The following DSC3 variants were observed in gnomAD, a reference collection of about 807,000 sequenced individuals.
The protein encoded by DSC3 is desmocollin 3, also known as desmocollin-3.
Under a neutral mutation model 89.5 loss-of-function variants are expected in DSC3, and 97 were observed. The observed-to-expected ratio is 1.08, with a 90% CI of 0.92 to 1.28. DSC3 has a LOEUF of 1.28. Among genes scored for constraint, DSC3 ranks in the 50% most tolerant of loss-of-function variants. DSC3 has a pLI of 0.00. For synonymous variants in DSC3, 436 were observed against 384.1 expected (o/e 1.14, Z -1.58); for missense variants, 1,199 against 1,085.3 (o/e 1.10, Z -1.47).
Position 31,030,972 on chromosome 18 carries a change from CCTT to C in DSC3, c.352_354del (p.Lys118del). 15 of 1,612,512 alleles carry C rather than the reference CCTT, an allele frequency of 9.3e-6. No homozygotes were observed. Among genetic ancestry groups the C allele is most frequent in the Non-Finnish European group, 1.3e-5 (15 of 1,178,758 alleles). ...GAAAATATTTAATGTACTTTAAATA[CCTT>C]CTTCTGATGTTCTAGCAGCACAGTA... On this transcript the variant is annotated inframe_deletion and splice_region_variant, in exon 3 of 16. Coordinates refer to ENST00000360428, the MANE Select transcript of DSC3 (RefSeq NM_001941.5).
At chr18:31,008,568 C>T in intron 9 of DSC3, 43 bp from the exon 10 acceptor site, 2 of 1,609,898 alleles carry the variant, frequency 1.2e-6, no homozygotes, top group Non-Finnish European at 1.7e-6. Context: ...GTGTAAAATA[C>T]ATCTGGCATT....
At chr18:31,015,925 C>T (rs889296014) in intron 9 of DSC3, among the ~76,000 whole-genome samples, 1 of 152,114 alleles carries the variant, frequency 6.6e-6, no homozygotes. Flanking sequence ...AGTATGCAGT[C>T]AAGAAACCAG....
chr18:30,996,867 C>T lies in DSC3; in HGVS notation c.2417G>A (p.Gly806Glu). 2.5e-6 allele frequency: 4 copies of T among 1,613,930 alleles called. No homozygotes were observed. The highest frequency in any genetic ancestry group is 3.4e-6 in the Non-Finnish European group (4 of 1,180,022). The change falls in exon 15 of 16, where the codon GGA (glycine) becomes GAA (glutamate). Residue 806 changes from glycine (G) to glutamate (E), a missense_variant. Physicochemically the swap from Gly to Glu is moderately conservative, Grantham distance 98 (BLOSUM62 -2). Coordinates refer to ENST00000360428, the MANE Select transcript of DSC3 (RefSeq NM_001941.5). ...GHHHTLDSCR[G>E]GHTEVDNCRY... is the part of the protein sequence containing the mutation. Reference sequence around the variant, plus strand: ...GCAGTTGTCCACCTCCGTGTGTCCTCCCCTGCAGGAGTCCAGGGTATGATG... The same window carrying T: ...GCAGTTGTCCACCTCCGTGTGTCCTTCCCTGCAGGAGTCCAGGGTATGATG...
intron 1 of DSC3, among the ~76,000 whole-genome samples, chr18:31,036,556 G>C (rs1447668531): frequency 6.6e-6 from 1 of 151,216 alleles, no homozygotes; most frequent in African/African-American, 2.4e-5. Context: ...GTTCCCCATT[G>C]CTCAATCTTT....
At chr18:31,024,830 G>A (rs1379724351) in intron 5 of DSC3, among the ~76,000 whole-genome samples, 4 of 152,068 alleles carry the variant, frequency 2.6e-5, no homozygotes, top group Non-Finnish European at 5.9e-5. Flanking sequence ...TAAACTCACT[G>A]CAATAGGAAA....
chr18:31,022,057 A>C (rs1163807801), intron 7 of DSC3, among the ~76,000 whole-genome samples: 1 of 152,090 alleles, frequency 6.6e-6, no homozygotes, highest in East Asian at 1.9e-4. Context: ...GCTGAACTGG[A>C]ACCAACTAGC....
At chr18:30,997,097 A>C (rs757129302) in intron 14 of DSC3, 49 bp from the exon 15 acceptor site, 2 of 1,607,176 alleles carry the variant, frequency 1.2e-6, no homozygotes, top group East Asian at 4.5e-5. Flanking sequence ...ATGGATTCTA[A>C]GTTGTCATGA....
At chr18:31,031,980 A>T (rs1985804820) in intron 2 of DSC3, among the ~76,000 whole-genome samples, 1 of 152,172 alleles carries the variant, frequency 6.6e-6, no homozygotes, top group Admixed American at 6.5e-5. Context: ...ATATTTAGCA[A>T]AAATAAATAA....
rs374752511 is a variant in DSC3 at position 31,018,061 on chromosome 18, A to G, written c.1263+10T>C. 353 of 1,607,868 alleles carry G rather than the reference A, an allele frequency of 2.2e-4. No individual in the cohort carries two copies. Among genetic ancestry groups the G allele is most frequent in the Admixed American group, 1.5e-3 (89 of 59,764 alleles). Reference sequence around the variant, plus strand: ...TAATTTGCTAAGTTGTCAATTATACATTACTGTACCTTTACAACAGAAAGA... The same window carrying G: ...TAATTTGCTAAGTTGTCAATTATACGTTACTGTACCTTTACAACAGAAAGA... On this transcript the variant is annotated intron_variant, in intron 9 of 15. Transcript: ENST00000360428.
In DSC3 at chr18:31,022,382, G is replaced by A. The variant is rs964947988; in HGVS notation, c.896C>T (p.Pro299Leu). Residue 299 changes from proline (P) to leucine (L), a missense_variant, in exon 7 of 16, where the codon CCC (proline) becomes CTC (leucine). Coordinates refer to ENST00000360428, the MANE Select transcript of DSC3 (RefSeq NM_001941.5). ...GACTGTGGTGATTACGCCTGTGCTG[G>A]GATGCACAGAAAAGAGCCCAGGTGA... ...PRSPGLFSVH[P>L]STGVITTVSH... 1 of 1,613,952 alleles carries A rather than the reference G, an allele frequency of 6.2e-7. No homozygotes were observed. The highest frequency in any genetic ancestry group is 8.5e-7 in the Non-Finnish European group (1 of 1,179,934).
chr18:31,031,270 G>A (rs1985783812), intron 2 of DSC3, 98 bp from the exon 3 acceptor site: 1 of 830,516 alleles, frequency 1.2e-6, no homozygotes, highest in Non-Finnish European at 1.9e-6. Flanking sequence ...CATGAAGTGG[G>A]ATGAAATAAG....
Position 31,029,511 on chromosome 18 carries a change from G to T in DSC3, c.472C>A (p.Gln158Lys). ...GACCAGAAAAGGTGTAAACCTACTT[G>T]TTGAAGAAACAATGGGAAAGGGCCC... ...SLGPFPLFLQ[Q>K]VESDAAQNYT... Residue 158 changes from glutamine (Q) to lysine (K), a missense_variant and splice_region_variant, in exon 4 of 16, where the codon CAA becomes AAA. By Grantham distance (53) the Gln-to-Lys change is moderately conservative. Coordinates refer to ENST00000360428, the MANE Select transcript of DSC3 (RefSeq NM_001941.5). 1.2e-6 allele frequency: 2 copies of T among 1,613,748 alleles called. No homozygotes were observed. The highest frequency in any genetic ancestry group is 1.7e-6 in the Non-Finnish European group (2 of 1,179,674).
chr18:31,009,291 G>C (rs116544862), intron 9 of DSC3, among the ~76,000 whole-genome samples: 1,873 of 152,154 alleles, frequency 0.012, 38 homozygotes, highest in African/African-American at 0.043. Context: ...GAACTCAGGT[G>C]ATCCACCTCC....
chr18:31,003,514 C>T (rs1028028529), intron 13 of DSC3, among the ~76,000 whole-genome samples: 1 of 152,156 alleles, frequency 6.6e-6, no homozygotes, highest in African/African-American at 2.4e-5. Context: ...ATATGGTAGG[C>T]TACTACAGTT....
At chr18:31,035,245 G>A (rs1837025057) in intron 1 of DSC3, among the ~76,000 whole-genome samples, 1 of 151,856 alleles carries the variant, frequency 6.6e-6, no homozygotes. Flanking sequence ...TCTAATATGT[G>A]ATCTAAAATT....
Position 31,007,010 on chromosome 18 carries a change from T to A in DSC3, c.1785A>T (p.Leu595Phe). 1 of 1,613,922 alleles carries A rather than the reference T, an allele frequency of 6.2e-7. No homozygotes were observed. The highest frequency in any genetic ancestry group is 1.1e-5 in the South Asian group (1 of 91,082). The change falls in exon 12 of 16, where the codon TTA becomes TTT. Residue 595 changes from leucine to phenylalanine, a missense_variant. Physicochemically the swap from Leu to Phe is conservative, Grantham distance 22. Transcript: ENST00000360428. ...GGACAGGTTCATCAGGATCAACAGC[T>A]AAAATGTCGGTATACCCCATTTTTG... is the stretch of plus-strand genomic sequence containing the variant. ...CKPKMGYTDILAVDPDEPVHG... is the reference protein window; with the variant it reads ...CKPKMGYTDIFAVDPDEPVHG...
At chr18:31,033,170 C>G (rs1985857794) in intron 1 of DSC3, among the ~76,000 whole-genome samples, 1 of 151,774 alleles carries the variant, frequency 6.6e-6, no homozygotes, top group Non-Finnish European at 1.5e-5. Context: ...TTTTAAAGAC[C>G]TAGATAAATA....
At position 31,042,452 on chromosome 18, in the gene DSC3, G is replaced by C. The variant is rs1986165033; in HGVS notation, c.69+140C>G. 4.7e-6 allele frequency: 4 copies of C among 845,598 alleles called. No homozygotes were observed. In the East Asian group the frequency reaches 1.1e-4, roughly 23 times the overall value. The allele number at this position is 845,598 out of a possible 1,614,324, so 52.4% of individuals were successfully genotyped here. A position where few individuals can be genotyped will look rare whatever the true frequency, so the allele number is the denominator to read the frequency against. On this transcript the variant is annotated intron_variant, in intron 1 of 15. Coordinates refer to ENST00000360428, the MANE Select transcript of DSC3 (RefSeq NM_001941.5). ...TCCTCACTCCTGCAGGCCCGAACTT[G>C]GGGCTGCTACCAGACCCGCAGCATT...
rs1322595344 is a variant in DSC3 at position 31,024,389 on chromosome 18, T to C, written c.735A>G (p.Glu245=). 2 of 1,608,656 alleles carry C rather than the reference T, an allele frequency of 1.2e-6. No homozygotes were observed. The highest frequency in any genetic ancestry group is 3.4e-5 in the Admixed American group (2 of 59,550). ...DENDNHPVFT[E]AIYNFEVLES... ...CCAAAACTTCAAAATTATAAATTGC[T>C]TCTGTGAAAACAGGGTGGTTGTCAT... Residue 245 remains glutamate, a synonymous_variant, in exon 6 of 16, where the codon GAA becomes GAG. Transcript: ENST00000360428.
Sources: allele counts gnomAD v4.1 joint callset (sites outside exome capture counted in the v4.1 genomes callset), GRCh38; gene constraint gnomAD v4.1.1; transcripts MANE v1.5; gene names NCBI Gene and HGNC (gene_info 2026-07-23, HGNC 2026-07-21).